Variants in LCN8 observed in about 807,000 individuals in gnomAD.
The protein encoded by LCN8 is lipocalin 8, also known as epididymal-specific lipocalin-8.
LCN8 carries 16 observed loss-of-function variants against 22.8 expected under a neutral mutation model. The observed-to-expected ratio is 0.70, with a 90% CI of 0.47 to 1.06. The LOEUF (loss-of-function observed/expected upper bound fraction) is 1.06, where lower values mean the gene tolerates loss of function less well. Among genes scored for constraint, LCN8 ranks in the 50% least tolerant of loss-of-function variants. LCN8 has a pLI of 0.00. For missense variants in LCN8, 189 were observed against 203.3 expected (o/e 0.93, Z 0.43); for synonymous variants, 92 against 83.4 (o/e 1.10, Z -0.56).
chr9:136,755,481 C>A lies in LCN8; in HGVS notation c.262G>T (p.Glu88Ter). Residue 88 changes from glutamate (E) to a stop codon, truncating the protein, a stop_gained, in exon 4 of 7, where the codon GAG (glutamate) becomes TAG (stop). Transcript: ENST00000371688. LOFTEE classifies it high-confidence loss of function. ...GACACCCGCAGGATGGCGTAGCCCT[C>A]GTAGTCGGTGTCCAGCACGTGGATC... ...REIHVLDTDY[E>*]GYAILRVSLM... 2 of 1,613,090 alleles carry A rather than the reference C, an allele frequency of 1.2e-6. No individual in the cohort carries two copies. The highest frequency in any genetic ancestry group is 8.5e-7 in the Non-Finnish European group (1 of 1,179,956).
In LCN8 at chr9:136,754,553, G is replaced by T. The variant is rs1016553603; in HGVS notation, c.448-44C>A. On this transcript the variant is annotated intron_variant, in intron 6 of 6. Coordinates refer to ENST00000371688, the MANE Select transcript of LCN8 (RefSeq NM_178469.4). ...GGGGCTCAGGCCCGTGTGGTCTCTG[G>T]AGGCCCCACGGGGCTTCGATGAGGG... The T allele has an allele frequency of 5.0e-5, 77 of 1,547,042 alleles. No individual in the cohort carries two copies. The Admixed American group carries it at 7.9e-4, about 16-fold the overall frequency.
intron 2 of LCN8, 49 bp from the exon 3 acceptor site, chr9:136,756,641 C>A (rs1470378362): frequency 6.2e-7 from 1 of 1,601,968 alleles, no homozygotes; most frequent in East Asian, 2.2e-5. Context: ...CTGTGTCCCG[C>A]CTGCTGGGCT....
intron 3 of LCN8, chr9:136,755,797 G>GGGAACCCTGCAT (rs1847175201): frequency 6.8e-7 from 1 of 1,469,944 alleles, no homozygotes; most frequent in Non-Finnish European, 9.0e-7. Flanking sequence ...GAACAGTGCA[G>GGGAACCCTGCAT]GGAACAGCAT....
At position 136,756,566 on chromosome 9, in the gene LCN8, ATCT is replaced by A. The variant is rs767341393; in HGVS notation, c.179_181del (p.Lys60del). Reference sequence around the variant, plus strand: ...CGTACTGTCTATTTCTGAGCCCACGATCTTCTCTATCTCACAGCTTCCTGAGCT... The same window carrying A: ...CGTACTGTCTATTTCTGAGCCCACGATCTCTATCTCACAGCTTCCTGAGCT... On this transcript the variant is annotated inframe_deletion, in exon 3 of 7. Coordinates refer to ENST00000371688, the MANE Select transcript of LCN8 (RefSeq NM_178469.4). 1.2e-6 allele frequency: 2 copies of A among 1,613,922 alleles called. No homozygotes were observed. The highest frequency in any genetic ancestry group is 1.3e-5 in the African/African-American group (1 of 75,048).
intron 6 of LCN8, chr9:136,754,927 C>T (rs2282259): frequency 0.14 from 189,110 of 1,386,384 alleles, 13,222 homozygotes; most frequent in Admixed American, 0.19. Context: ...GGGTCACCAC[C>T]CTGGAGGTTC....
chr9:136,758,503 G>A, upstream of LCN8: 28 of 991,452 alleles, frequency 2.8e-5, no homozygotes, highest in Non-Finnish European at 3.4e-5. Flanking sequence ...AGCGACCAGA[G>A]TGACAGTGAC....
rs879467 is a variant in LCN8, at chr9:136,755,128, G to A, written c.447+7C>T. The A allele has an allele frequency of 0.65, 1,022,895 of 1,562,076 alleles. 340,449 individuals are homozygous for A. Among genetic ancestry groups the A allele is most frequent in the East Asian group, 0.73 (31,707 of 43,522 alleles). On this transcript the variant is annotated splice_region_variant and intron_variant, in intron 6 of 6. Coordinates refer to ENST00000371688, the MANE Select transcript of LCN8 (RefSeq NM_178469.4). ...CAGCACAGGCCAGGGTCGGGGGTCA[G>A]GCTCACCTCCTTCAGGAGCTCGGCA...
intron 3 of LCN8, chr9:136,756,129 CA>C (rs770592943): frequency 0.12 from 135,301 of 1,131,886 alleles, 12,089 homozygotes; most frequent in Middle Eastern, 0.17. Context: ...GGGAACAGCG[CA>C]GGGAACAGCA....
chr9:136,754,395 CAGTTT>C lies in LCN8; in HGVS notation c.*98_*102del. 5 of 1,514,830 alleles carry C rather than the reference CAGTTT, an allele frequency of 3.3e-6. No homozygotes were observed. The highest frequency in any genetic ancestry group is 4.4e-6 in the Non-Finnish European group (5 of 1,131,418). The allele number at this position is 1,514,830 out of a possible 1,614,324, so 93.8% of individuals were successfully genotyped here. On this transcript the variant is annotated 3_prime_UTR_variant, in exon 7 of 7. Transcript: ENST00000371688. The stretch of plus-strand genomic sequence containing the variant: ...CACACCAGGCAGTGGCTTGACTTCA[CAGTTT>C]ATTCAGAGCAGGTGCAGGTGACCTG...
At chr9:136,754,723 G>T (rs1183433934) in intron 6 of LCN8, 1 of 1,406,232 alleles carries the variant, frequency 7.1e-7, no homozygotes, top group Non-Finnish European at 9.2e-7. Flanking sequence ...CTGGGTTCTC[G>T]CAGTGCCCAA....
At position 136,755,293 on chromosome 9, in the gene LCN8, C is replaced by A. The variant is rs764208809; in HGVS notation, c.372G>T (p.Lys124Asn). Residue 124 changes from lysine (K) to asparagine (N), a missense_variant, in exon 5 of 7, where the codon AAG (lysine) becomes AAT (asparagine). Coordinates refer to ENST00000371688, the MANE Select transcript of LCN8 (RefSeq NM_178469.4). ...LEDKDRLGFWKFRELTADTGL... is the reference protein window; with the variant it reads ...LEDKDRLGFWNFRELTADTGL... Reference sequence around the variant, plus strand: ...CAGTGTCTGCTGTCAGCTCCCGAAACTTCCAGAACCCCAGCCGGTCCTTGT... The same window carrying A: ...CAGTGTCTGCTGTCAGCTCCCGAAAATTCCAGAACCCCAGCCGGTCCTTGT... 1.2e-6 allele frequency: 2 copies of A among 1,611,330 alleles called. No individual in the cohort carries two copies. Among genetic ancestry groups the A allele is most frequent in the Non-Finnish European group, 1.7e-6 (2 of 1,180,004 alleles).
In LCN8 at chr9:136,758,097, C is replaced by G; in HGVS notation, c.-167G>C. Reference sequence around the variant, plus strand: ...CGCCCACCCGGGAATGTCATCAGGACAGCTTGGCTGCTGGCAGCTCAGAGA... The same window carrying G: ...CGCCCACCCGGGAATGTCATCAGGAGAGCTTGGCTGCTGGCAGCTCAGAGA... On this transcript the variant is annotated 5_prime_UTR_variant, in exon 1 of 7. Coordinates refer to ENST00000371688, the MANE Select transcript of LCN8 (RefSeq NM_178469.4). 1.4e-6 allele frequency: 2 copies of G among 1,471,048 alleles called. No individual in the cohort carries two copies. Among genetic ancestry groups the G allele is most frequent in the Non-Finnish European group, 1.8e-6 (2 of 1,109,660 alleles). 91.1% of individuals were successfully genotyped at this position (1,471,048 alleles called of 1,614,324 possible). A position where few individuals can be genotyped will look rare whatever the true frequency, so the allele number is the denominator to read the frequency against.
chr9:136,755,004 G>T (rs533896626), intron 6 of LCN8, 131 bp downstream of exon 6: 14 of 1,434,312 alleles, frequency 9.8e-6, no homozygotes, highest in Admixed American at 5.8e-5. Flanking sequence ...TTGGTGTCCT[G>T]TTCACAGGAA....
Position 136,755,456 on chromosome 9 carries a change from G to A in LCN8, c.287C>T (p.Ser96Phe), listed in dbSNP as rs777081534. 1.9e-6 allele frequency: 3 copies of A among 1,613,354 alleles called. No homozygotes were observed. The highest frequency in any genetic ancestry group is 1.6e-4 in the Middle Eastern group (1 of 6,062). Reference sequence around the variant, plus strand: ...AAAGTTCCTGCCCCGCCACATCAGGGACACCCGCAGGATGGCGTAGCCCTC... The same window carrying A: ...AAAGTTCCTGCCCCGCCACATCAGGAACACCCGCAGGATGGCGTAGCCCTC... Reference protein sequence around the residue: ...DYEGYAILRVSLMWRGRNFRV... With the variant: ...DYEGYAILRVFLMWRGRNFRV... Residue 96 changes from serine to phenylalanine, a missense_variant, in exon 4 of 7, where the codon TCC (serine) becomes TTC (phenylalanine). Transcript: ENST00000371688.
chr9:136,756,450 C>T (rs1245077427), intron 3 of LCN8, 72 bp downstream of exon 3: 2 of 1,613,392 alleles, frequency 1.2e-6, no homozygotes, highest in Non-Finnish European at 1.7e-6. Context: ...CAGGGAACAG[C>T]ATGGGGAACA....
At chr9:136,758,257 CG>C, upstream of LCN8, 1 of 1,244,174 alleles carries the variant, frequency 8.0e-7, no homozygotes, top group Non-Finnish European at 1.0e-6. Context: ...GGGGCCGTCT[CG>C]GAGCCTGAGA....
rs1027963829 is a variant in LCN8 at position 136,755,124 on chromosome 9, G to C, written c.447+11C>G. ...ACTTCAGCACAGGCCAGGGTCGGGG[G>C]TCAGGCTCACCTCCTTCAGGAGCTC... is the stretch of plus-strand genomic sequence containing the variant. On this transcript the variant is annotated intron_variant, in intron 6 of 6. Transcript: ENST00000371688. 1.3e-6 allele frequency: 2 copies of C among 1,559,998 alleles called. No homozygotes were observed. The highest frequency in any genetic ancestry group is 1.9e-5 in the Admixed American group (1 of 53,450).
At position 136,758,023 on chromosome 9, in the gene LCN8, C is replaced by A. The variant is rs911458221; in HGVS notation, c.-93G>T. 1.9e-6 allele frequency: 3 copies of A among 1,565,718 alleles called. No individual in the cohort carries two copies. Among genetic ancestry groups the A allele is most frequent in the Non-Finnish European group, 2.6e-6 (3 of 1,157,954 alleles). On this transcript the variant is annotated 5_prime_UTR_variant, in exon 1 of 7. Coordinates refer to ENST00000371688, the MANE Select transcript of LCN8 (RefSeq NM_178469.4). ...GTGGCGGGGTCCGGGCTCCGGGTTC[C>A]CCTGCTGCACAGCCTGGGCCGATTC...
At chr9:136,757,522 G>T (rs78266538) in intron 1 of LCN8, 1 of 1,352,006 alleles carries the variant, frequency 7.4e-7, no homozygotes, top group East Asian at 3.0e-5. Flanking sequence ...AAGAAAGCCC[G>T]CAGGGCGCGG....
Sources: gnomAD v4.1 joint callset for allele counts on GRCh38, gnomAD v4.1.1 for gene constraint, MANE v1.5 for transcripts, NCBI Gene and HGNC (gene_info 2026-07-23, HGNC 2026-07-21) for gene names.